PTPRN2: variants seen among roughly 807,000 people sequenced by gnomAD.
PTPRN2 encodes the protein receptor-type tyrosine-protein phosphatase N2.
PTPRN2 carries 74 observed loss-of-function variants against 118.8 expected under a neutral mutation model. The ratio of observed to expected loss-of-function variants is 0.62; its 90% CI spans 0.52 to 0.76. PTPRN2 has a LOEUF of 0.76. Ranked by LOEUF, PTPRN2 falls within the 30% of genes least tolerant of loss-of-function variation. PTPRN2 has a pLI of 0.00. For missense variants in PTPRN2, 1,481 were observed against 1,394.4 expected (o/e 1.06, Z -0.99); for synonymous variants, 641 against 608.0 (o/e 1.05, Z -0.80).
Position 157,550,932 on chromosome 7 carries a change from G to A in PTPRN2, c.2903-1913C>T, listed in dbSNP as rs1798568219. Among the ~76,000 whole-genome samples the A allele has an allele frequency of 1.3e-5, 2 of 152,190 alleles. No homozygotes were observed. Among genetic ancestry groups the A allele is most frequent in the South Asian group, 4.1e-4 (2 of 4,832 alleles). The stretch of plus-strand genomic sequence containing the variant: ...AAAAGAAATCCATAAATTTAAAACA[G>A]CCTGACACAAACGGGTGAGTTTGTG... On this transcript the variant is annotated intron_variant, in intron 21 of 22. Coordinates refer to ENST00000389418, the MANE Select transcript of PTPRN2 (RefSeq NM_002847.5). This position sits in a 1 kb window ranked among gnomAD's most constrained non-coding sequence, Gnocchi z 5.2.
intron 2 of PTPRN2, among the ~76,000 whole-genome samples, chr7:158,487,779 A>G (rs771240614): frequency 1.3e-5 from 2 of 152,056 alleles, no homozygotes; most frequent in Admixed American, 6.5e-5. Context: ...CACTTCTCCT[A>G]TCGCTCCCCG....
At chr7:158,169,417 A>AGTGTGTCTGT (rs773827214) in intron 5 of PTPRN2, among the ~76,000 whole-genome samples, 22 of 136,628 alleles carry the variant, frequency 1.6e-4, no homozygotes, top group African/African-American at 6.1e-4. Context: ...TGCTTTTGTG[A>AGTGTGTCTGT]GTGTGTGTGT....
At chr7:158,340,468 T>C (rs866759381) in intron 2 of PTPRN2, among the ~76,000 whole-genome samples, 1,479 of 34,576 alleles carry the variant, frequency 0.043, 9 homozygotes, top group African/African-American at 0.13. Context: ...GTCACTCACA[T>C]CCACACTCTC....
intron 11 of PTPRN2, among the ~76,000 whole-genome samples, chr7:158,011,303 C>T (rs73745064): frequency 6.6e-6 from 1 of 152,192 alleles, no homozygotes; most frequent in African/African-American, 2.4e-5. Flanking sequence ...CTATGTCTCC[C>T]GGTGATTGTT....
At chr7:158,569,613 CAGG>C (rs1359767474) in intron 1 of PTPRN2, among the ~76,000 whole-genome samples, 2 of 152,206 alleles carry the variant, frequency 1.3e-5, no homozygotes, top group Non-Finnish European at 2.9e-5. Flanking sequence ...GCGCCACTGA[CAGG>C]AGCGCGGGGC....
At chr7:158,249,557 CCTG>C (rs1337926862) in intron 3 of PTPRN2, among the ~76,000 whole-genome samples, 16 of 151,032 alleles carry the variant, frequency 1.1e-4, no homozygotes, top group African/African-American at 3.9e-4. Context: ...ATCTACCACA[CCTG>C]CACACACACA....
At chr7:158,296,595 T>G (rs1051431819) in intron 3 of PTPRN2, among the ~76,000 whole-genome samples, 1 of 152,136 alleles carries the variant, frequency 6.6e-6, no homozygotes, top group Non-Finnish European at 1.5e-5. Flanking sequence ...ACACGCCCAC[T>G]GGGGCTTTAG....
At position 157,974,048 on chromosome 7, in the gene PTPRN2, C is replaced by T. The variant is rs543225265; in HGVS notation, c.1724-75311G>A. On this transcript the variant is annotated intron_variant, in intron 11 of 22. Coordinates refer to ENST00000389418, the MANE Select transcript of PTPRN2 (RefSeq NM_002847.5). The surrounding 1 kb of genome is among the most constrained non-coding windows in gnomAD (Gnocchi z 4.0). ...CTCTGACCACTGCTGTTGACGTTGG[C>T]GGGGTAGCAGGTGTGGCCATAACAT... 7.9e-5 allele frequency among the ~76,000 whole-genome samples: 12 copies of T among 152,272 alleles called. No individual in the cohort carries two copies. The highest frequency in any genetic ancestry group is 1.7e-4 in the African/African-American group (7 of 41,550).
chr7:158,161,766 A>G (rs780907883), intron 6 of PTPRN2, among the ~76,000 whole-genome samples: 9 of 151,758 alleles, frequency 5.9e-5, no homozygotes, highest in Non-Finnish European at 1.2e-4. Context: ...ATGCTCTGCA[A>G]AAGACGCTGT....
chr7:158,048,960 C>G (rs1809105402), intron 11 of PTPRN2, among the ~76,000 whole-genome samples: 1 of 134,254 alleles, frequency 7.4e-6, no homozygotes, highest in South Asian at 2.9e-4. Context: ...GGTCCCATCA[C>G]TACCATCATC....
chr7:158,102,214 C>T (rs1054595059), intron 10 of PTPRN2, among the ~76,000 whole-genome samples: 1 of 152,198 alleles, frequency 6.6e-6, no homozygotes, highest in Non-Finnish European at 1.5e-5. Flanking sequence ...AAACACTGAG[C>T]CCCTGTGCGC....
intron 2 of PTPRN2, among the ~76,000 whole-genome samples, chr7:158,342,010 G>A (rs1259954437): frequency 6.8e-6 from 1 of 147,194 alleles, no homozygotes; most frequent in Admixed American, 6.8e-5. Context: ...ACCTGCAGAC[G>A]TCACTCACAC....
Position 157,619,142 on chromosome 7 carries a change from T to C in PTPRN2, c.2344+2220A>G, listed in dbSNP as rs1802995010. ...TCGCCCCCAACCCCCCCATCCACAC[T>C]GTACAGACAGAGCCCAGAAGGCTGC... On this transcript the variant is annotated intron_variant, in intron 15 of 22. Transcript: ENST00000389418. This position sits in a 1 kb window ranked among gnomAD's most constrained non-coding sequence, Gnocchi z 5.3. Among the ~76,000 whole-genome samples the C allele has an allele frequency of 1.3e-5, 2 of 151,680 alleles. No individual in the cohort carries two copies. The highest frequency in any genetic ancestry group is 2.1e-4 in the South Asian group (1 of 4,774).
chr7:157,811,361 C>CATAT (rs1806033285), intron 12 of PTPRN2, among the ~76,000 whole-genome samples: 3 of 117,012 alleles, frequency 2.6e-5, no homozygotes, highest in African/African-American at 6.7e-5. Context: ...TATATATATG[C>CATAT]ACACACATGT....
At chr7:158,399,298 G>A (rs1013896635) in intron 2 of PTPRN2, among the ~76,000 whole-genome samples, 1 of 152,208 alleles carries the variant, frequency 6.6e-6, no homozygotes, top group Admixed American at 6.5e-5. Flanking sequence ...CTGCTGAGCA[G>A]TTTCACTGGG....
At chr7:158,194,554 C>T (rs1009897809) in intron 4 of PTPRN2, among the ~76,000 whole-genome samples, 3 of 152,232 alleles carry the variant, frequency 2.0e-5, no homozygotes, top group Admixed American at 6.5e-5. Flanking sequence ...CCACAGGCCC[C>T]GGCGTCATGC....
Position 158,522,635 on chromosome 7 carries a change from G to A in PTPRN2, c.113-32850C>T, listed in dbSNP as rs183620371. On this transcript the variant is annotated intron_variant, in intron 1 of 22. Transcript: ENST00000389418. ...GCACTTACAACATGCACCTTGCTGC[G>A]GCTAGATGCAGTCTGTGGACACAGA... 7.9e-4 allele frequency among the ~76,000 whole-genome samples: 121 copies of A among 152,306 alleles called. 1 individual carries two copies. The highest frequency in any genetic ancestry group is 1.1e-3 in the Non-Finnish European group (73 of 68,026).
chr7:157,775,711 C>T lies in PTPRN2; in HGVS notation c.1789-92774G>A, dbSNP rs370657577. On this transcript the variant is annotated intron_variant, in intron 12 of 22. Coordinates refer to ENST00000389418, the MANE Select transcript of PTPRN2 (RefSeq NM_002847.5). Reference sequence around the variant, plus strand: ...GGACGGAGCCTGGACGGAAGCTCCACGCCCTGGGGTACCTGCTGGGGCATC... The same window carrying T: ...GGACGGAGCCTGGACGGAAGCTCCATGCCCTGGGGTACCTGCTGGGGCATC... Among the ~76,000 whole-genome samples the T allele has an allele frequency of 2.0e-3, 310 of 152,276 alleles. 10 individuals are homozygous for T. The South Asian group carries it at 0.05, about 25-fold the overall frequency.
chr7:157,730,285 C>T (rs901075213), intron 12 of PTPRN2, among the ~76,000 whole-genome samples: 5 of 152,124 alleles, frequency 3.3e-5, no homozygotes, highest in African/African-American at 7.2e-5. Context: ...CTTTAAGGCT[C>T]GTCTTCTACG....
Sources: gnomAD v4.1 joint callset for allele counts (sites outside exome capture counted in the v4.1 genomes callset) on GRCh38, gnomAD v4.1.1 for gene constraint, Gnocchi (gnomAD v3.1) non-coding constraint, MANE v1.5 for transcripts, NCBI Gene and HGNC (gene_info 2026-07-23, HGNC 2026-07-21) for gene names.